The following NAALADL2 variants were observed in gnomAD, a reference collection of about 807,000 sequenced individuals.
NAALADL2 encodes the protein N-acetylated alpha-linked acidic dipeptidase like 2.
In NAALADL2, 76 loss-of-function variants were observed where a neutral mutation model predicts 87.2. That is an observed-to-expected ratio of 0.87 (90% CI 0.72 to 1.05). The LOEUF is 1.05. Among genes scored for constraint, NAALADL2 ranks in the 50% least tolerant of loss-of-function variants. The pLI, the probability that NAALADL2 is intolerant of heterozygous loss-of-function variation, is 0.00. For missense variants in NAALADL2, 1,089 were observed against 945.8 expected (o/e 1.15, Z -1.99); for synonymous variants, 354 against 331.0 (o/e 1.07, Z -0.75).
At chr3:174,905,270 T>C (rs1308075675) in intron 1 of NAALADL2, among the ~76,000 whole-genome samples, 4 of 151,938 alleles carry the variant, frequency 2.6e-5, no homozygotes, top group Admixed American at 2.6e-4. Context: ...AGTATTTAAA[T>C]GCTCATTGTT....
At chr3:175,172,869 G>T (rs1019268774) in intron 2 of NAALADL2, among the ~76,000 whole-genome samples, 2 of 152,156 alleles carry the variant, frequency 1.3e-5, no homozygotes, top group Non-Finnish European at 2.9e-5. Flanking sequence ...TAAGGACCTT[G>T]TTTAAGATGC....
At chr3:174,842,082 A>T (rs1724088702) in intron 3 of NAALADL2, among the ~76,000 whole-genome samples, 2 of 143,422 alleles carry the variant, frequency 1.4e-5, no homozygotes, top group African/African-American at 2.6e-5. Flanking sequence ...ACAGAGTTTC[A>T]CTCTTGTTGC....
chr3:175,181,619 C>T, intron 2 of NAALADL2, among the ~76,000 whole-genome samples: 1 of 149,282 alleles, frequency 6.7e-6, no homozygotes, highest in Non-Finnish European at 1.5e-5. Flanking sequence ...CAGGTTCATC[C>T]ATGTTGTTGC....
Position 175,581,706 on chromosome 3 carries a change from G to A in NAALADL2, c.1800+5519G>A, listed in dbSNP as rs537521089. Among the ~76,000 whole-genome samples, 12 of 152,214 alleles carry A rather than the reference G, an allele frequency of 7.9e-5. No homozygotes were observed. The South Asian group carries it at 2.5e-3, about 32-fold the overall frequency. On this transcript the variant is annotated intron_variant, in intron 10 of 13. Coordinates refer to ENST00000454872, the MANE Select transcript of NAALADL2 (RefSeq NM_207015.3). ...CTCCACACACTTGTGAATGTAGAGT[G>A]AAAATGAGAGTGAAAAGGGCATATA...
intron 2 of NAALADL2, among the ~76,000 whole-genome samples, chr3:175,230,240 C>T (rs984936376): frequency 3.3e-5 from 5 of 151,988 alleles, no homozygotes; most frequent in Admixed American, 2.6e-4. Context: ...ATGAGAATAA[C>T]TTCATGACCA....
intron 4 of NAALADL2, among the ~76,000 whole-genome samples, chr3:175,317,667 T>G (rs1434484622): frequency 6.6e-6 from 1 of 152,104 alleles, no homozygotes; most frequent in African/African-American, 2.4e-5. Context: ...AAATAGTTTT[T>G]CACAACAAGT....
Position 175,105,642 on chromosome 3 carries a change from GACACACAC to G in NAALADL2, c.545+8385_545+8392del, listed in dbSNP as rs57274941. Reference sequence around the variant, plus strand: ...AGCAAGATATTTGAGAATACACACAGACACACACACACACACACACACACACACACACA... The same window carrying G: ...AGCAAGATATTTGAGAATACACACAGACACACACACACACACACACACACA... On this transcript the variant is annotated intron_variant, in intron 2 of 13. Coordinates refer to ENST00000454872, the MANE Select transcript of NAALADL2 (RefSeq NM_207015.3). Among the ~76,000 whole-genome samples, 1,337 of 144,610 alleles carry G rather than the reference GACACACAC, an allele frequency of 9.2e-3. 18 individuals are homozygous for G. Among genetic ancestry groups the G allele is most frequent in the African/African-American group, 0.025 (1,011 of 39,668 alleles). The allele number at this position is 144,610 out of a possible 152,430, so 94.9% of individuals were successfully genotyped here.
chr3:175,688,360 A>G (rs1736595729), intron 11 of NAALADL2, among the ~76,000 whole-genome samples: 1 of 152,184 alleles, frequency 6.6e-6, no homozygotes, highest in Non-Finnish European at 1.5e-5. Flanking sequence ...ATTATTGAAT[A>G]ATATTGTGGA....
intron 1 of NAALADL2, among the ~76,000 whole-genome samples, chr3:174,943,745 T>G (rs1738969655): frequency 6.6e-6 from 1 of 152,148 alleles, no homozygotes; most frequent in Admixed American, 6.5e-5. Context: ...GCAGGGTGTG[T>G]GTGGGACCCA....
At chr3:175,298,485 AAGAG>A (rs1299372475) in intron 4 of NAALADL2, among the ~76,000 whole-genome samples, 1 of 152,120 alleles carries the variant, frequency 6.6e-6, no homozygotes, top group Non-Finnish European at 1.5e-5. Flanking sequence ...AATCTCATAA[AAGAG>A]AGAATAAAAA....
intron 3 of NAALADL2, among the ~76,000 whole-genome samples, chr3:174,750,123 G>A (rs904143166): frequency 3.9e-5 from 6 of 152,074 alleles, no homozygotes; most frequent in African/African-American, 1.4e-4. Context: ...TGTTTTATAT[G>A]CATCTTTATG....
At chr3:174,984,600 T>A (rs1474683419) in intron 1 of NAALADL2, among the ~76,000 whole-genome samples, 1 of 152,188 alleles carries the variant, frequency 6.6e-6, no homozygotes, top group Non-Finnish European at 1.5e-5. Flanking sequence ...ATGCCAAAAT[T>A]TGAACACATC....
At chr3:174,795,164 T>G (rs112086083) in intron 3 of NAALADL2, among the ~76,000 whole-genome samples, 16,906 of 150,846 alleles carry the variant, frequency 0.11, 1,221 homozygotes, top group Non-Finnish European at 0.15. Flanking sequence ...GCTAGTATTT[T>G]TTTTGTATTT....
chr3:174,945,962 C>T (rs1260265730), intron 1 of NAALADL2, among the ~76,000 whole-genome samples: 1 of 145,100 alleles, frequency 6.9e-6, no homozygotes, highest in Non-Finnish European at 1.5e-5. Flanking sequence ...AGGAGAATCA[C>T]TTGAACCCAG....
At chr3:174,667,926 T>A (rs1437187948) in intron 2 of NAALADL2, among the ~76,000 whole-genome samples, 2 of 152,210 alleles carry the variant, frequency 1.3e-5, no homozygotes, top group East Asian at 3.9e-4. Context: ...CTACTTTTAC[T>A]TTTTTGAGAA....
At chr3:175,792,935 G>A (rs1244301490) in intron 13 of NAALADL2, among the ~76,000 whole-genome samples, 3 of 152,192 alleles carry the variant, frequency 2.0e-5, no homozygotes, top group Admixed American at 6.6e-5. Context: ...AGAAAAAAGT[G>A]GATTAGCTTT....
At chr3:175,423,245 A>T (rs1186038440) in intron 5 of NAALADL2, among the ~76,000 whole-genome samples, 2 of 148,724 alleles carry the variant, frequency 1.3e-5, no homozygotes, top group African/African-American at 2.5e-5. Context: ...TTCGGGCTCA[A>T]ACCGTTTAAT....
At chr3:175,448,693 T>A (rs564798896) in intron 6 of NAALADL2, among the ~76,000 whole-genome samples, 2 of 148,192 alleles carry the variant, frequency 1.3e-5, no homozygotes, top group South Asian at 4.2e-4. Context: ...TTTTTAAAAT[T>A]TTTTTGTGTT....
chr3:175,646,881 A>G (rs1044027472), intron 11 of NAALADL2, among the ~76,000 whole-genome samples: 5 of 152,190 alleles, frequency 3.3e-5, no homozygotes, highest in Admixed American at 2.0e-4. Context: ...CCCCATTATA[A>G]TAGTCAGGAA....
Sources: allele counts gnomAD v4.1 joint callset (sites outside exome capture counted in the v4.1 genomes callset), GRCh38; gene constraint gnomAD v4.1.1; transcripts MANE v1.5; gene names NCBI Gene and HGNC (gene_info 2026-07-23, HGNC 2026-07-21).